CALN1: variants seen among roughly 807,000 people sequenced by gnomAD.
CALN1 encodes the protein calneuron 1.
Under a neutral mutation model 30.6 loss-of-function variants are expected in CALN1, and 17 were observed. The ratio of observed to expected loss-of-function variants is 0.56; its 90% CI spans 0.38 to 0.83. The LOEUF (loss-of-function observed/expected upper bound fraction) is 0.83, where lower values mean the gene tolerates loss of function less well. Among genes scored for constraint, CALN1 ranks in the 40% least tolerant of loss-of-function variants. The pLI, the probability that CALN1 is intolerant of heterozygous loss-of-function variation, is 0.00. For missense variants in CALN1, 291 were observed against 354.9 expected (o/e 0.82, Z 1.45); for synonymous variants, 156 against 131.4 (o/e 1.19, Z -1.28).
At chr7:72,338,523 G>GTGTGTGTGTCTGTC in intron 2 of CALN1, among the ~76,000 whole-genome samples, 1 of 146,200 alleles carries the variant, frequency 6.8e-6, no homozygotes, top group South Asian at 2.2e-4. Flanking sequence ...GTGTGTGTGT[G>GTGTGTGTGTCTGTC]TGTGTCTCAC....
At chr7:72,364,388 A>G (rs1803756360) in intron 2 of CALN1, among the ~76,000 whole-genome samples, 1 of 152,256 alleles carries the variant, frequency 6.6e-6, no homozygotes, top group Non-Finnish European at 1.5e-5. Context: ...TACAGGAATT[A>G]CAACTATAGA....
At chr7:72,204,560 G>A (rs916858727) in intron 3 of CALN1, among the ~76,000 whole-genome samples, 3 of 152,008 alleles carry the variant, frequency 2.0e-5, no homozygotes, top group South Asian at 2.1e-4. Flanking sequence ...CTTAGTTCAC[G>A]AGGTAAAATT....
intron 4 of CALN1, among the ~76,000 whole-genome samples, chr7:72,092,201 G>A (rs1338887267): frequency 2.6e-5 from 4 of 152,102 alleles, no homozygotes; most frequent in Admixed American, 2.0e-4. Context: ...GAGATTGAAA[G>A]GTTTTTGGTT....
chr7:71,809,437 C>CTAT (rs1787805707), intron 6 of CALN1, among the ~76,000 whole-genome samples: 1 of 113,508 alleles, frequency 8.8e-6, no homozygotes, highest in African/African-American at 3.5e-5. Flanking sequence ...AGCTTCCCAA[C>CTAT]TATGTATACT....
At chr7:71,829,670 G>C (rs1181208201) in intron 5 of CALN1, among the ~76,000 whole-genome samples, 1 of 152,194 alleles carries the variant, frequency 6.6e-6, no homozygotes, top group Non-Finnish European at 1.5e-5. Flanking sequence ...AGGGTAAGCT[G>C]TGAATAGCCT....
chr7:72,353,212 TAGAG>T (rs886464574), intron 2 of CALN1, among the ~76,000 whole-genome samples: 1 of 151,940 alleles, frequency 6.6e-6, no homozygotes, highest in Non-Finnish European at 1.5e-5. Flanking sequence ...TTTCATAAAA[TAGAG>T]AGCGGGAACA....
chr7:71,917,122 C>T (rs577134745), intron 5 of CALN1, among the ~76,000 whole-genome samples: 7 of 152,322 alleles, frequency 4.6e-5, no homozygotes, highest in Admixed American at 4.6e-4. Context: ...AAACCTTGAG[C>T]TCAGAGCAGC....
intron 5 of CALN1, among the ~76,000 whole-genome samples, chr7:71,908,619 T>C (rs1001728849): frequency 1.3e-5 from 2 of 152,184 alleles, no homozygotes; most frequent in Admixed American, 1.3e-4. Flanking sequence ...AACACAACGA[T>C]GCATAACTAG....
intron 1 of CALN1, among the ~76,000 whole-genome samples, chr7:72,418,023 C>T (rs1289085658): frequency 6.6e-6 from 1 of 152,128 alleles, no homozygotes; most frequent in South Asian, 2.1e-4. Flanking sequence ...ATGGATATAT[C>T]GTGTGATGCT....
intron 4 of CALN1, among the ~76,000 whole-genome samples, chr7:72,058,570 C>T (rs555008862): frequency 1.3e-5 from 2 of 152,044 alleles, no homozygotes; most frequent in South Asian, 2.1e-4. Context: ...CTGCCTGCCT[C>T]GGCCTCCCAA....
At chr7:71,802,181 A>C (rs542874143) in intron 6 of CALN1, among the ~76,000 whole-genome samples, 1 of 152,278 alleles carries the variant, frequency 6.6e-6, no homozygotes, top group South Asian at 2.1e-4. Flanking sequence ...ATAATGTGTC[A>C]TGGGAGCACT....
chr7:72,276,183 C>T (rs547706880), intron 3 of CALN1, among the ~76,000 whole-genome samples: 14 of 152,284 alleles, frequency 9.2e-5, no homozygotes, highest in South Asian at 4.1e-4. Flanking sequence ...GGGTCCTGCA[C>T]GCATGGGGGA....
At chr7:71,819,676 A>C (rs1788482736) in intron 5 of CALN1, among the ~76,000 whole-genome samples, 1 of 152,118 alleles carries the variant, frequency 6.6e-6, no homozygotes, top group African/African-American at 2.4e-5. Context: ...CAAACCCAAC[A>C]ACCACCACTC....
chr7:72,261,485 T>C (rs1045203633), intron 3 of CALN1, among the ~76,000 whole-genome samples: 1 of 151,260 alleles, frequency 6.6e-6, no homozygotes, highest in South Asian at 2.1e-4. Context: ...GTGGCTGGAG[T>C]GCGATCATAG....
intron 5 of CALN1, among the ~76,000 whole-genome samples, chr7:71,840,215 CA>C (rs200142279): frequency 0.19 from 29,024 of 152,062 alleles, 3,492 homozygotes; most frequent in Non-Finnish European, 0.27. Flanking sequence ...GTAATCCCAA[CA>C]CTTTGGGAGG....
intron 2 of CALN1, among the ~76,000 whole-genome samples, chr7:72,327,157 G>A (rs1446545295): frequency 1.3e-5 from 2 of 152,186 alleles, no homozygotes. Flanking sequence ...TGGGCTTTAT[G>A]TGAACATCCA....
intron 2 of CALN1, among the ~76,000 whole-genome samples, chr7:72,388,438 A>G (rs911546643): frequency 2.6e-5 from 4 of 152,132 alleles, no homozygotes; most frequent in African/African-American, 9.7e-5. Context: ...AAGGACATTA[A>G]GTACAAACCC....
At chr7:71,909,274 C>T (rs1410764453) in intron 5 of CALN1, among the ~76,000 whole-genome samples, 1 of 152,180 alleles carries the variant, frequency 6.6e-6, no homozygotes, top group Non-Finnish European at 1.5e-5. Flanking sequence ...CAGGCGTGAG[C>T]CACTGTGCCC....
intron 3 of CALN1, among the ~76,000 whole-genome samples, chr7:72,129,090 G>A (rs1808965263): frequency 6.6e-6 from 1 of 152,154 alleles, no homozygotes; most frequent in South Asian, 2.1e-4. Context: ...CCCAAGGCCA[G>A]AATTACATAT....
Sources: allele counts gnomAD v4.1 joint callset (sites outside exome capture counted in the v4.1 genomes callset), GRCh38; gene constraint gnomAD v4.1.1; transcripts MANE v1.5; gene names NCBI Gene and HGNC (gene_info 2026-07-23, HGNC 2026-07-21).